The following PDK1 variants were observed in gnomAD, a reference collection of about 807,000 sequenced individuals.
PDK1 encodes [Pyruvate dehydrogenase (acetyl-transferring)] kinase isozyme 1, mitochondrial.
PDK1 carries 39 observed loss-of-function variants against 54.2 expected under a neutral mutation model. The observed-to-expected ratio is 0.72, with a 90% CI of 0.56 to 0.94. The LOEUF is 0.94. Ranked by LOEUF, PDK1 falls within the 40% of genes least tolerant of loss-of-function variation. PDK1 has a pLI of 0.00. For missense variants in PDK1, 552 were observed against 566.0 expected (o/e 0.98, Z 0.25); for synonymous variants, 221 against 207.1 (o/e 1.07, Z -0.58).
At chr2:172,666,477 A>G in the PDK1 span, among the ~76,000 whole-genome samples, 1 of 152,222 alleles carries the variant, frequency 6.6e-6, no homozygotes, top group Admixed American at 6.5e-5. Flanking sequence ...AGGGAGGGGA[A>G]GGGGTTCTTA....
chr2:172,680,549 G>A, the PDK1 span, among the ~76,000 whole-genome samples: 3 of 151,844 alleles, frequency 2.0e-5, no homozygotes, highest in Admixed American at 6.6e-5. Flanking sequence ...ATTTTTTGTG[G>A]TAGAGACGGG....
At chr2:172,555,394 TAA>T (rs937722609), upstream of PDK1, 3 of 152,146 alleles carry the variant, frequency 2.0e-5, no homozygotes, top group Non-Finnish European at 4.4e-5. Flanking sequence ...CTTTTTCAGG[TAA>T]AGAGACGGAG....
rs1215498596 is a variant in PDK1 at position 172,602,432 on chromosome 2, T to TA, written c.*6467dup. ...AGTTTCTTTGGGGGATAGTTGTAAT[T>TA]AAAAGTGCTTAACTCACTTATATAA... On this transcript the variant is annotated 3_prime_UTR_variant, in exon 11 of 11. Coordinates refer to ENST00000282077, the MANE Select transcript of PDK1 (RefSeq NM_002610.5). 6.6e-6 allele frequency: 1 copy of TA among 152,206 alleles called. No homozygotes were observed. Among genetic ancestry groups the TA allele is most frequent in the African/African-American group, 2.4e-5 (1 of 41,444 alleles). 9.4% of individuals were successfully genotyped at this position (152,206 alleles called of 1,614,324 possible).
At chr2:172,587,583 C>G (rs986387978) in intron 9 of PDK1, among the ~76,000 whole-genome samples, 2 of 152,108 alleles carry the variant, frequency 1.3e-5, no homozygotes, top group Admixed American at 1.3e-4. Context: ...GAGTGAGCAG[C>G]AGCAAGATTT....
intron 8 of PDK1, 91 bp from the exon 9 acceptor site, chr2:172,586,187 C>A: frequency 1.4e-6 from 1 of 716,118 alleles, no homozygotes; most frequent in Non-Finnish European, 2.4e-6. Flanking sequence ...CGCTCTCCCA[C>A]CAGCAGTTAA....
the PDK1 span, among the ~76,000 whole-genome samples, chr2:172,702,198 C>T: frequency 1.3e-5 from 2 of 152,062 alleles, no homozygotes; most frequent in Non-Finnish European, 2.9e-5. Context: ...GAGGGATGGC[C>T]GGGCGCAGTG....
At chr2:172,572,561 C>A (rs541901592) in intron 8 of PDK1, among the ~76,000 whole-genome samples, 263 of 152,104 alleles carry the variant, frequency 1.7e-3, no homozygotes, top group African/African-American at 6.0e-3. Context: ...CCCATCTCTA[C>A]AAAAAATACA....
downstream of PDK1, among the ~76,000 whole-genome samples, chr2:172,613,537 G>A (rs968730645): frequency 2.0e-5 from 3 of 151,860 alleles, no homozygotes; most frequent in African/African-American, 4.8e-5. Flanking sequence ...TCACTGCAGC[G>A]TCAAACACCA....
At chr2:172,695,657 T>C in the PDK1 span, among the ~76,000 whole-genome samples, 1 of 152,124 alleles carries the variant, frequency 6.6e-6, no homozygotes. Context: ...TAAACCTCCA[T>C]CTTACTAGGA....
At chr2:172,703,180 A>G in the PDK1 span, among the ~76,000 whole-genome samples, 3 of 152,152 alleles carry the variant, frequency 2.0e-5, no homozygotes, top group Non-Finnish European at 4.4e-5. Context: ...TGCTGCAGCC[A>G]CAAGGCAAGG....
the PDK1 span, among the ~76,000 whole-genome samples, chr2:172,693,480 T>C: frequency 6.6e-6 from 1 of 152,224 alleles, no homozygotes; most frequent in Non-Finnish European, 1.5e-5. Flanking sequence ...CTTCATAGGG[T>C]TGTTGTGAAA....
chr2:172,581,905 T>A (rs1421821724), intron 8 of PDK1, among the ~76,000 whole-genome samples: 1 of 152,094 alleles, frequency 6.6e-6, no homozygotes, highest in Admixed American at 6.6e-5. Context: ...CCACATGTCT[T>A]TTTTTTGTGT....
At chr2:172,664,431 A>G in the PDK1 span, among the ~76,000 whole-genome samples, 4 of 147,152 alleles carry the variant, frequency 2.7e-5, no homozygotes, top group African/African-American at 7.5e-5. Context: ...TGGAGGCTTG[A>G]GAGTTTCATT....
chr2:172,623,798 A>G, the PDK1 span, among the ~76,000 whole-genome samples: 1 of 152,218 alleles, frequency 6.6e-6, no homozygotes, highest in Non-Finnish European at 1.5e-5. Flanking sequence ...CTAGACTTAC[A>G]CAATGGAAAT....
chr2:172,707,066 A>G, the PDK1 span, among the ~76,000 whole-genome samples: 1 of 152,086 alleles, frequency 6.6e-6, no homozygotes, highest in African/African-American at 2.4e-5. Context: ...TCCACTGGGC[A>G]CGGGCAGAAG....
chr2:172,668,282 T>TA, the PDK1 span, among the ~76,000 whole-genome samples: 3 of 146,900 alleles, frequency 2.0e-5, no homozygotes, highest in African/African-American at 7.3e-5. Flanking sequence ...TTCTTTATTT[T>TA]TTTTTTTTTT....
the PDK1 span, among the ~76,000 whole-genome samples, chr2:172,660,245 CTCTTT>C: frequency 3.6e-5 from 2 of 55,658 alleles, no homozygotes; most frequent in Admixed American, 2.4e-4. Flanking sequence ...CTCTCTCTCT[CTCTTT>C]TTTTTTTTTT....
At chr2:172,720,303 C>T in the PDK1 span, among the ~76,000 whole-genome samples, 5 of 151,886 alleles carry the variant, frequency 3.3e-5, no homozygotes, top group Admixed American at 2.6e-4. Context: ...TTAGTAGAGG[C>T]GAGGTTTCAC....
the PDK1 span, among the ~76,000 whole-genome samples, chr2:172,706,081 T>G: frequency 6.6e-6 from 1 of 152,232 alleles, no homozygotes; most frequent in African/African-American, 2.4e-5. Flanking sequence ...ACAGTCAAGA[T>G]AAAGAACATT....
Sources: gnomAD v4.1 joint callset for allele counts (sites outside exome capture counted in the v4.1 genomes callset) on GRCh38, gnomAD v4.1.1 for gene constraint, MANE v1.5 for transcripts, NCBI Gene and HGNC (gene_info 2026-07-23, HGNC 2026-07-21) for gene names.